CYB5R4: variants seen among roughly 807,000 people sequenced by gnomAD.
The protein encoded by CYB5R4 is N-terminal cytochrome b5 and cytochrome b5 oxidoreductase domain-containing protein.
A neutral mutation model predicts 70.2 loss-of-function variants in CYB5R4; 55 were observed. The observed-to-expected ratio is 0.78, with a 90% confidence interval of 0.63 to 0.98. The LOEUF (loss-of-function observed/expected upper bound fraction) is 0.98, where lower values mean the gene tolerates loss of function less well. Ranked by LOEUF, CYB5R4 falls within the 50% of genes least tolerant of loss-of-function variation. The pLI is 0.00. For missense variants in CYB5R4, 562 were observed against 612.6 expected (o/e 0.92, Z 0.87); for synonymous variants, 197 against 199.5 (o/e 0.99, Z 0.11).
At chr6:83,951,988 G>T (rs1195654990) in intron 14 of CYB5R4, among the ~76,000 whole-genome samples, 1 of 152,092 alleles carries the variant, frequency 6.6e-6, no homozygotes, top group Non-Finnish European at 1.5e-5. Flanking sequence ...ACACTTAGCA[G>T]AGAATACTAT....
chr6:83,866,022 G>C (rs1232368814), intron 2 of CYB5R4, among the ~76,000 whole-genome samples: 1 of 152,064 alleles, frequency 6.6e-6, no homozygotes, highest in Non-Finnish European at 1.5e-5. Context: ...CAAGTAACTG[G>C]TACAAAATGA....
intron 10 of CYB5R4, among the ~76,000 whole-genome samples, chr6:83,932,114 A>T (rs568513730): frequency 1.3e-5 from 2 of 152,186 alleles, no homozygotes; most frequent in East Asian, 3.9e-4. Context: ...TTCTTATCTT[A>T]TATACTGCAG....
intron 6 of CYB5R4, among the ~76,000 whole-genome samples, chr6:83,918,596 A>G (rs944888966): frequency 3.3e-5 from 5 of 151,892 alleles, no homozygotes; most frequent in Admixed American, 6.6e-5. Flanking sequence ...TAAATATTCT[A>G]TTTTTTATAT....
chr6:83,927,105 C>G (rs897980963), intron 10 of CYB5R4, among the ~76,000 whole-genome samples: 21 of 152,150 alleles, frequency 1.4e-4, no homozygotes, highest in African/African-American at 4.8e-4. Flanking sequence ...CCTTAAAAAT[C>G]AAACACACAT....
Position 83,947,088 on chromosome 6 carries a change from C to T in CYB5R4, c.1346+6487C>T, listed in dbSNP as rs559244649. ...TTTCATATGGAACCAAAAAAGAGCT[C>T]GTATAGCCAAGACAATCCTAAGCAA... On this transcript the variant is annotated intron_variant, in intron 14 of 15. Coordinates refer to ENST00000369681, the MANE Select transcript of CYB5R4 (RefSeq NM_016230.4). 1.4e-4 allele frequency among the ~76,000 whole-genome samples: 22 copies of T among 152,134 alleles called. No individual in the cohort carries two copies. In the East Asian group the frequency reaches 3.5e-3, roughly 24 times the overall value.
At chr6:83,943,958 A>T (rs1018162905) in intron 14 of CYB5R4, among the ~76,000 whole-genome samples, 1 of 150,404 alleles carries the variant, frequency 6.6e-6, no homozygotes, top group Non-Finnish European at 1.5e-5. Context: ...ATGGGACTAC[A>T]TTTGGTGTAC....
At chr6:83,956,383 G>A (rs1477194470) in intron 15 of CYB5R4, among the ~76,000 whole-genome samples, 2 of 152,124 alleles carry the variant, frequency 1.3e-5, no homozygotes, top group African/African-American at 2.4e-5. Flanking sequence ...GGGGGGGCAC[G>A]GGTTTCCAGG....
In CYB5R4 at chr6:83,966,864, A is replaced by C. The variant is rs2099474166; in HGVS notation, c.*6986A>C. ...CCTGAAATTAACAAGAAAAATTGAA[A>C]TTAATGTTGAAAGAGCACCAGAGAG... is the stretch of plus-strand genomic sequence containing the variant. On this transcript the variant is annotated 3_prime_UTR_variant, in exon 16 of 16. Coordinates refer to ENST00000369681, the MANE Select transcript of CYB5R4 (RefSeq NM_016230.4). The C allele has an allele frequency of 6.6e-6, 1 of 152,214 alleles. No homozygotes were observed. The highest frequency in any genetic ancestry group is 1.9e-4 in the East Asian group (1 of 5,200). 9.4% of individuals were successfully genotyped at this position (152,214 alleles called of 1,614,324 possible). A position where few individuals can be genotyped will look rare whatever the true frequency, so the allele number is the denominator to read the frequency against.
intron 3 of CYB5R4, among the ~76,000 whole-genome samples, chr6:83,898,700 C>T (rs2099462350): frequency 1.3e-5 from 2 of 151,920 alleles, no homozygotes; most frequent in Non-Finnish European, 2.9e-5. Flanking sequence ...AGTTGGATTC[C>T]TAGGTATTTT....
intron 14 of CYB5R4, among the ~76,000 whole-genome samples, chr6:83,948,418 A>T (rs1455069539): frequency 6.6e-6 from 1 of 152,202 alleles, no homozygotes; most frequent in Non-Finnish European, 1.5e-5. Flanking sequence ...CCTAATGTAG[A>T]TGACAGGTTG....
intron 14 of CYB5R4, among the ~76,000 whole-genome samples, chr6:83,948,464 A>G (rs1019583859): frequency 1.3e-5 from 2 of 152,086 alleles, no homozygotes; most frequent in Admixed American, 1.3e-4. Flanking sequence ...ATGTATACCT[A>G]TGTAACCTGC....
In CYB5R4 at chr6:83,912,151, A is replaced by C. The variant is rs1005150057; in HGVS notation, c.413-2265A>C. 2.6e-5 allele frequency among the ~76,000 whole-genome samples: 4 copies of C among 151,968 alleles called. No individual in the cohort carries two copies. The East Asian group carries it at 7.7e-4, about 29-fold the overall frequency. On this transcript the variant is annotated intron_variant, in intron 4 of 15. Coordinates refer to ENST00000369681, the MANE Select transcript of CYB5R4 (RefSeq NM_016230.4). ...TATTGCACTCATGTGATTCAAGAAG[A>C]AGCATCCTTATCATAGTTCTGCCTC...
intron 9 of CYB5R4, among the ~76,000 whole-genome samples, chr6:83,923,931 G>T (rs975104121): frequency 6.6e-6 from 1 of 151,440 alleles, no homozygotes; most frequent in African/African-American, 2.4e-5. Context: ...TTAGCCGGGC[G>T]TGGTGGTGGG....
At chr6:83,959,715 G>C in intron 15 of CYB5R4, 109 bp from the exon 16 acceptor site, 1 of 937,536 alleles carries the variant, frequency 1.1e-6, no homozygotes, top group Non-Finnish European at 1.6e-6. Context: ...AAACTACATA[G>C]TGAATGGGGA....
chr6:83,921,944 A>G (rs1275769285), intron 8 of CYB5R4, among the ~76,000 whole-genome samples: 1 of 152,238 alleles, frequency 6.6e-6, no homozygotes. Flanking sequence ...CATAATACCT[A>G]GAAAATACCT....
chr6:83,886,156 C>T (rs1318486622), intron 2 of CYB5R4, among the ~76,000 whole-genome samples: 2 of 152,174 alleles, frequency 1.3e-5, no homozygotes, highest in Non-Finnish European at 2.9e-5. Context: ...CAGTATAGGG[C>T]ATCCCATGGT....
intron 14 of CYB5R4, among the ~76,000 whole-genome samples, chr6:83,950,294 A>G (rs550584405): frequency 4.6e-5 from 7 of 152,336 alleles, no homozygotes; most frequent in African/African-American, 1.7e-4. Context: ...GCAAAATCTT[A>G]TCCTTTTTTT....
chr6:83,910,389 G>T, intron 4 of CYB5R4: 2 of 461,010 alleles, frequency 4.3e-6, no homozygotes, highest in South Asian at 2.6e-5. Flanking sequence ...TTCTGAAGTG[G>T]GCTTTACTAG....
chr6:83,925,970 C>G (rs1306718223), intron 10 of CYB5R4, among the ~76,000 whole-genome samples: 4 of 152,150 alleles, frequency 2.6e-5, no homozygotes, highest in Non-Finnish European at 4.4e-5. Flanking sequence ...TTTTAGCATC[C>G]TATTCTTATT....
Sources: allele counts gnomAD v4.1 joint callset (sites outside exome capture counted in the v4.1 genomes callset), GRCh38; gene constraint gnomAD v4.1.1; transcripts MANE v1.5; gene names NCBI Gene and HGNC (gene_info 2026-07-23, HGNC 2026-07-21).